PTPRR: variants seen among roughly 807,000 people sequenced by gnomAD.
The protein encoded by PTPRR is receptor-type tyrosine-protein phosphatase R.
Under a neutral mutation model 77.2 loss-of-function variants are expected in PTPRR, and 38 were observed. The ratio of observed to expected loss-of-function variants is 0.49; its 90% CI spans 0.38 to 0.65. The LOEUF is 0.65. PTPRR is among the 30% of genes least tolerant of loss of function. The pLI, the probability that PTPRR is intolerant of heterozygous loss-of-function variation, is 0.00. For missense variants in PTPRR, 744 were observed against 799.2 expected, an observed-to-expected ratio of 0.93 and a Z score of 0.83; for synonymous variants, 299 against 283.1, an observed-to-expected ratio of 1.06 and a Z score of -0.57.
chr12:70,660,758 T>A (rs1229215641), intron 12 of PTPRR, among the ~76,000 whole-genome samples, 182 bp downstream of exon 12: 1 of 152,236 alleles, frequency 6.6e-6, no homozygotes, highest in Non-Finnish European at 1.5e-5. Flanking sequence ...CCTAAAAGCA[T>A]GACTTCACTT....
intron 13 of PTPRR, among the ~76,000 whole-genome samples, chr12:70,649,560 G>T (rs1460975498): frequency 1.3e-5 from 2 of 152,142 alleles, no homozygotes; most frequent in Middle Eastern, 3.4e-3. Flanking sequence ...CTTTTAATTA[G>T]TTGGTTCCAC....
At chr12:70,729,326 G>GTCTGTCTA (rs1555170671) in intron 6 of PTPRR, among the ~76,000 whole-genome samples, 2 of 150,966 alleles carry the variant, frequency 1.3e-5, no homozygotes, top group African/African-American at 2.4e-5. Context: ...GTATCTATCT[G>GTCTGTCTA]TCTATCTATC....
intron 5 of PTPRR, among the ~76,000 whole-genome samples, chr12:70,751,035 G>T (rs558528048): frequency 2.6e-5 from 4 of 151,768 alleles, no homozygotes; most frequent in African/African-American, 7.3e-5. Context: ...CACTGCACTT[G>T]GTCCCCCTGT....
At chr12:70,788,670 A>G (rs542955627) in intron 2 of PTPRR, 10 of 661,492 alleles carry the variant, frequency 1.5e-5, no homozygotes, top group East Asian at 5.7e-5. Context: ...GGCTAAAGAT[A>G]TTTCCCTAGA....
chr12:70,787,940 C>T (rs950330190), intron 2 of PTPRR, among the ~76,000 whole-genome samples: 2 of 152,114 alleles, frequency 1.3e-5, no homozygotes, highest in Non-Finnish European at 2.9e-5. Context: ...ACACTAGAAC[C>T]ATTATATTGT....
At chr12:70,792,118 C>G (rs897082009) in intron 2 of PTPRR, among the ~76,000 whole-genome samples, 39 of 152,144 alleles carry the variant, frequency 2.6e-4, no homozygotes, top group African/African-American at 9.2e-4. Context: ...AGTTACTTAA[C>G]CTCTCACAAG....
intron 2 of PTPRR, among the ~76,000 whole-genome samples, chr12:70,817,979 C>T (rs751756201): frequency 2.3e-4 from 35 of 152,092 alleles, no homozygotes; most frequent in Non-Finnish European, 3.7e-4. Context: ...TTTGGGAGGC[C>T]GAGGAGGTCG....
At chr12:70,827,325 TATAAC>T (rs2137046770) in intron 2 of PTPRR, among the ~76,000 whole-genome samples, 1 of 152,268 alleles carries the variant, frequency 6.6e-6, no homozygotes, top group South Asian at 2.1e-4. Context: ...TTTGGACTGA[TATAAC>T]AAACTGCTCT....
rs538644595 is a variant in PTPRR, at chr12:70,850,552, T to C, written c.357+42127A>G. ...TCACAAATAAGTATTGGAAGCATCA[T>C]TCTTGAAAGCAGAGCTATTATTTTA... On this transcript the variant is annotated intron_variant, in intron 2 of 13. Coordinates refer to ENST00000283228, the MANE Select transcript of PTPRR (RefSeq NM_002849.4). 1.9e-3 allele frequency among the ~76,000 whole-genome samples: 287 copies of C among 152,252 alleles called. 2 individuals are homozygous for C. In the South Asian group the frequency reaches 0.026, roughly 14 times the overall value.
intron 6 of PTPRR, among the ~76,000 whole-genome samples, chr12:70,708,053 C>T (rs571794736): frequency 1.3e-5 from 2 of 152,184 alleles, no homozygotes; most frequent in South Asian, 2.1e-4. Context: ...TGCCCCAACA[C>T]TTTCAGGTTC....
At chr12:70,871,283 T>C (rs1892954576) in intron 2 of PTPRR, among the ~76,000 whole-genome samples, 2 of 152,278 alleles carry the variant, frequency 1.3e-5, no homozygotes, top group South Asian at 2.1e-4. Flanking sequence ...GCCTGAGGGA[T>C]ACATAGGATT....
At chr12:70,743,083 G>C (rs1399594370) in intron 6 of PTPRR, among the ~76,000 whole-genome samples, 1 of 152,172 alleles carries the variant, frequency 6.6e-6, no homozygotes, top group Non-Finnish European at 1.5e-5. Flanking sequence ...GGTAAGATAA[G>C]AAGTGGCCAT....
At chr12:70,806,668 A>T (rs1178918872) in intron 2 of PTPRR, among the ~76,000 whole-genome samples, 1 of 152,182 alleles carries the variant, frequency 6.6e-6, no homozygotes, top group Non-Finnish European at 1.5e-5. Context: ...CCTCTTCCTC[A>T]GACATGCCGT....
At chr12:70,867,600 G>T (rs1892877876) in intron 2 of PTPRR, among the ~76,000 whole-genome samples, 1 of 151,524 alleles carries the variant, frequency 6.6e-6, no homozygotes, top group South Asian at 2.1e-4. Context: ...TCGTGAAAAT[G>T]GCCATACTGC....
chr12:70,664,177 T>C (rs1886895880), intron 10 of PTPRR, among the ~76,000 whole-genome samples: 1 of 152,214 alleles, frequency 6.6e-6, no homozygotes, highest in Non-Finnish European at 1.5e-5. Flanking sequence ...CACCTGAGAC[T>C]CTCAGGCTAT....
intron 2 of PTPRR, among the ~76,000 whole-genome samples, chr12:70,790,881 C>A (rs759181531): frequency 6.6e-6 from 1 of 151,962 alleles, no homozygotes; most frequent in African/African-American, 2.4e-5. Flanking sequence ...AACAAAAAAA[C>A]CAGCCATCAT....
At chr12:70,904,518 G>C (rs1230019396) in intron 1 of PTPRR, among the ~76,000 whole-genome samples, 2 of 151,862 alleles carry the variant, frequency 1.3e-5, no homozygotes, top group African/African-American at 4.8e-5. Flanking sequence ...ATGAAATACA[G>C]ATCAGTGGTT....
At chr12:70,843,664 T>A (rs1892433888) in intron 2 of PTPRR, among the ~76,000 whole-genome samples, 1 of 152,200 alleles carries the variant, frequency 6.6e-6, no homozygotes, top group African/African-American at 2.4e-5. Flanking sequence ...CTGTTTATGC[T>A]AATTATCTTT....
At chr12:70,792,426 C>A (rs535256536) in intron 2 of PTPRR, among the ~76,000 whole-genome samples, 48 of 152,194 alleles carry the variant, frequency 3.2e-4, no homozygotes, top group African/African-American at 1.1e-3. Flanking sequence ...AGGTTGGACC[C>A]ATTCTGCTTA....
Sources: gnomAD v4.1 joint callset for allele counts (sites outside exome capture counted in the v4.1 genomes callset) on GRCh38, gnomAD v4.1.1 for gene constraint, MANE v1.5 for transcripts, NCBI Gene and HGNC (gene_info 2026-07-23, HGNC 2026-07-21) for gene names.